RAB11FIP4: variants seen among roughly 807,000 people sequenced by gnomAD.
The protein encoded by RAB11FIP4 is rab11 family-interacting protein 4.
RAB11FIP4 carries 23 observed loss-of-function variants against 74.3 expected under a neutral mutation model. The observed-to-expected ratio is 0.31, with a 90% CI of 0.22 to 0.44. RAB11FIP4 has a LOEUF of 0.44. Among genes scored for constraint, RAB11FIP4 ranks in the 20% least tolerant of loss-of-function variants. The probability of loss-of-function intolerance (pLI) is 1.00; values close to 1 mark genes in which losing one functional copy is unlikely to be tolerated. For synonymous variants in RAB11FIP4, 360 were observed against 359.9 expected (o/e 1.00, Z 0.00); for missense variants, 630 against 863.9 (o/e 0.73, Z 3.39).
chr17:31,493,002 A>G (rs2072040731), intron 3 of RAB11FIP4, among the ~76,000 whole-genome samples: 1 of 152,062 alleles, frequency 6.6e-6, no homozygotes, highest in Non-Finnish European at 1.5e-5. Flanking sequence ...TGCAGCCTAC[A>G]AGGGTCGTAT....
rs1327973406 is a variant in RAB11FIP4 at position 31,521,294 on chromosome 17, G to GC, written c.695dup (p.Cys233LeufsTer4). ...GACGATGTGGACTGTGCCCCCAGCAGCCCTTGCCCCGATGATGAGACCAGG... is the reference window on the plus strand; with the variant it reads ...GACGATGTGGACTGTGCCCCCAGCAGCCCCTTGCCCCGATGATGAGACCAGG... On this transcript the variant is annotated frameshift_variant, in exon 5 of 15. Transcript: ENST00000621161. LOFTEE classifies it high-confidence loss of function. 1 of 1,614,074 alleles carries GC rather than the reference G, an allele frequency of 6.2e-7. No homozygotes were observed. The highest frequency in any genetic ancestry group is 1.3e-5 in the African/African-American group (1 of 75,050).
At chr17:31,414,243 AG>A (rs35279347) in intron 1 of RAB11FIP4, among the ~76,000 whole-genome samples, 10,654 of 152,268 alleles carry the variant, frequency 0.07, 482 homozygotes, top group Middle Eastern at 0.14. Context: ...CAGTATTAAC[AG>A]TCACCTACAC....
In RAB11FIP4 at chr17:31,468,722, C is replaced by T. The variant is rs138897769; in HGVS notation, c.336+34600C>T. Among the ~76,000 whole-genome samples, 185 of 152,130 alleles carry T rather than the reference C, an allele frequency of 1.2e-3. 1 individual carries two copies. In the East Asian group the frequency reaches 0.034, roughly 28 times the overall value. On this transcript the variant is annotated intron_variant, in intron 3 of 14. Coordinates refer to ENST00000621161, the MANE Select transcript of RAB11FIP4 (RefSeq NM_032932.6). Reference sequence around the variant, plus strand: ...GTGGGCACCTGTAATCCCAGCTACTCAGGAGGCTGAGGCAGGAGAATCGCT... The same window carrying T: ...GTGGGCACCTGTAATCCCAGCTACTTAGGAGGCTGAGGCAGGAGAATCGCT...
rs1432004914 is a variant in RAB11FIP4 at position 31,391,801 on chromosome 17, G to C, written c.-52G>C. On this transcript the variant is annotated 5_prime_UTR_variant, in exon 1 of 15. Transcript: ENST00000621161. ...CGCGCGGCGATGGCGGCGGCGGGCA[G>C]GCGGCGGGCGCGGCGGGCGAGGGGT... The C allele has an allele frequency of 1.0e-6, 1 of 978,594 alleles. No individual in the cohort carries two copies. Among genetic ancestry groups the C allele is most frequent in the Non-Finnish European group, 1.2e-6 (1 of 826,244 alleles). The allele number at this position is 978,594 out of a possible 1,614,324, so 60.6% of individuals were successfully genotyped here. A position where few individuals can be genotyped will look rare whatever the true frequency, so the allele number is the denominator to read the frequency against.
intron 3 of RAB11FIP4, among the ~76,000 whole-genome samples, chr17:31,510,830 T>C (rs962242545): frequency 6.6e-6 from 1 of 152,018 alleles, no homozygotes; most frequent in African/African-American, 2.4e-5. Context: ...GGAGGTACCC[T>C]GGATTGTTTT....
intron 3 of RAB11FIP4, among the ~76,000 whole-genome samples, chr17:31,503,774 T>C (rs1181632165): frequency 6.7e-6 from 1 of 149,878 alleles, no homozygotes; most frequent in Non-Finnish European, 1.5e-5. Context: ...CTCCAGTTTC[T>C]GTGGACTCTA....
chr17:31,524,027 C>T, intron 9 of RAB11FIP4, 31 bp downstream of exon 9: 5 of 1,521,074 alleles, frequency 3.3e-6, no homozygotes, highest in Middle Eastern at 1.8e-4. Flanking sequence ...GGGGGCTCGG[C>T]CGTGACGCTG....
At chr17:31,436,764 G>T (rs369586031) in intron 3 of RAB11FIP4, among the ~76,000 whole-genome samples, 15 of 147,326 alleles carry the variant, frequency 1.0e-4, no homozygotes, top group African/African-American at 2.8e-4. Flanking sequence ...TTTTTTTTTT[G>T]TTTTTTTTTG....
intron 3 of RAB11FIP4, among the ~76,000 whole-genome samples, chr17:31,470,294 C>G (rs1173372423): frequency 2.0e-5 from 3 of 152,182 alleles, no homozygotes; most frequent in African/African-American, 7.2e-5. Flanking sequence ...AGATCTGGCC[C>G]TCATTGATGC....
rs149033717 is a variant in RAB11FIP4 at position 31,459,902 on chromosome 17, T to C, written c.336+25780T>C. ...TACCCTCCTGGGGTCCCAGGGCTTGTGTGGAGCCTGGGACTGGCTCAGGAC... is the reference window on the plus strand; with the variant it reads ...TACCCTCCTGGGGTCCCAGGGCTTGCGTGGAGCCTGGGACTGGCTCAGGAC... On this transcript the variant is annotated intron_variant, in intron 3 of 14. Transcript: ENST00000621161. Among the ~76,000 whole-genome samples, 1,440 of 152,270 alleles carry C rather than the reference T, an allele frequency of 9.5e-3. 22 individuals are homozygous for C. The highest frequency in any genetic ancestry group is 0.033 in the African/African-American group (1,357 of 41,550).
chr17:31,499,677 G>A (rs796132132), intron 3 of RAB11FIP4, among the ~76,000 whole-genome samples: 2 of 152,240 alleles, frequency 1.3e-5, no homozygotes, highest in African/African-American at 4.8e-5. Context: ...CTATAAGGAG[G>A]AAAATGATAA....
intron 3 of RAB11FIP4, among the ~76,000 whole-genome samples, chr17:31,493,477 T>C (rs73988071): frequency 0.066 from 10,037 of 151,406 alleles, 1,086 homozygotes; most frequent in African/African-American, 0.23. Context: ...TCCGGTGAAC[T>C]TGGGGTAAGG....
intron 1 of RAB11FIP4, among the ~76,000 whole-genome samples, chr17:31,396,631 CTGTG>C (rs537495148): frequency 1.3e-5 from 2 of 152,162 alleles, no homozygotes; most frequent in Non-Finnish European, 2.9e-5. Context: ...GCACCGGCCT[CTGTG>C]TGCTCAACTC....
intron 3 of RAB11FIP4, among the ~76,000 whole-genome samples, chr17:31,488,589 C>G (rs918673802): frequency 6.6e-6 from 1 of 152,234 alleles, no homozygotes; most frequent in Non-Finnish European, 1.5e-5. Context: ...GCGGGATCGG[C>G]GTGGTACCCA....
At chr17:31,452,706 C>T (rs1440729885) in intron 3 of RAB11FIP4, among the ~76,000 whole-genome samples, 4 of 152,198 alleles carry the variant, frequency 2.6e-5, no homozygotes, top group Non-Finnish European at 5.9e-5. Context: ...CATCCAGCAG[C>T]AAGTGTTATT....
chr17:31,417,980 A>G (rs554710951), intron 1 of RAB11FIP4, among the ~76,000 whole-genome samples: 67 of 152,278 alleles, frequency 4.4e-4, no homozygotes, highest in African/African-American at 1.4e-3. Flanking sequence ...ACTCCCAGCT[A>G]CTTGGGAGGC....
Position 31,505,513 on chromosome 17 carries a change from ATAAT to A in RAB11FIP4, c.337-12135_337-12132del, listed in dbSNP as rs1425401541. On this transcript the variant is annotated intron_variant, in intron 3 of 14. Transcript: ENST00000621161. ...ATATATAATTATTATATTATATATAATAATTATATATTATATATAATTATTATAT... is the reference window on the plus strand; with the variant it reads ...ATATATAATTATTATATTATATATAATATATATTATATATAATTATTATAT... Among the ~76,000 whole-genome samples, 4 of 59,864 alleles carry A rather than the reference ATAAT, an allele frequency of 6.7e-5. 1 individual carries two copies. The highest frequency in any genetic ancestry group is 5.3e-4 in the Admixed American group (2 of 3,740). The allele number at this position is 59,864 out of a possible 152,430, so 39.3% of individuals were successfully genotyped here. A position where few individuals can be genotyped will look rare whatever the true frequency, so the allele number is the denominator to read the frequency against.
At chr17:31,501,468 A>G (rs551917481) in intron 3 of RAB11FIP4, among the ~76,000 whole-genome samples, 3 of 152,356 alleles carry the variant, frequency 2.0e-5, no homozygotes, top group East Asian at 3.9e-4. Flanking sequence ...TTGTTTTACA[A>G]TAAAGTGTTT....
At chr17:31,423,991 A>C (rs563533658) in intron 1 of RAB11FIP4, among the ~76,000 whole-genome samples, 1 of 151,992 alleles carries the variant, frequency 6.6e-6, no homozygotes, top group Non-Finnish European at 1.5e-5. Context: ...GCTGGGAGAG[A>C]AAAAAGACCC....
Sources: gnomAD v4.1 joint callset for allele counts (sites outside exome capture counted in the v4.1 genomes callset) on GRCh38, gnomAD v4.1.1 for gene constraint, MANE v1.5 for transcripts, NCBI Gene and HGNC (gene_info 2026-07-23, HGNC 2026-07-21) for gene names.